Variants in LRRC69 observed in about 807,000 individuals in gnomAD.
LRRC69 encodes the protein leucine-rich repeat-containing protein 69.
In LRRC69, 42 loss-of-function variants were observed where a neutral mutation model predicts 37.8. That is an observed-to-expected ratio of 1.11 (90% CI 0.87 to 1.44). LRRC69 has a LOEUF of 1.44. Among genes scored for constraint, LRRC69 ranks in the 40% most tolerant of loss-of-function variants. The probability of loss-of-function intolerance (pLI) is 0.00; values close to 1 mark genes in which losing one functional copy is unlikely to be tolerated. For missense variants in LRRC69, 357 were observed against 401.9 expected, an observed-to-expected ratio of 0.89 and a Z score of 0.96; for synonymous variants, 141 against 143.1, an observed-to-expected ratio of 0.99 and a Z score of 0.11.
intron 1 of LRRC69, among the ~76,000 whole-genome samples, chr8:91,119,273 A>T (rs1238500942): frequency 1.3e-5 from 2 of 152,090 alleles, no homozygotes; most frequent in Non-Finnish European, 2.9e-5. Context: ...ATCTACACTG[A>T]AGCTCTGATG....
At chr8:91,206,764 A>G (rs765194306) in intron 7 of LRRC69, 6 of 1,289,758 alleles carry the variant, frequency 4.7e-6, no homozygotes, top group Non-Finnish European at 6.1e-6. Flanking sequence ...GTGCTCTGCT[A>G]AATATGTCAC....
chr8:91,110,925 C>T (rs1185994343), intron 1 of LRRC69, among the ~76,000 whole-genome samples: 1 of 151,932 alleles, frequency 6.6e-6, no homozygotes, highest in Non-Finnish European at 1.5e-5. Flanking sequence ...ACAGATTAAG[C>T]TCAAAAGATA....
chr8:91,162,808 C>T (rs4409368), intron 5 of LRRC69, among the ~76,000 whole-genome samples: 102,593 of 150,928 alleles, frequency 0.68, 35,399 homozygotes, highest in Middle Eastern at 0.74. Context: ...TCCACCTCTG[C>T]TTTCCATTCT....
chr8:91,176,134 A>ATATTTTTTTTTTTTTTTT, intron 5 of LRRC69, among the ~76,000 whole-genome samples: 2 of 75,710 alleles, frequency 2.6e-5, no homozygotes, highest in African/African-American at 6.1e-5. Context: ...ATATATATAT[A>ATATTTTTTTTTTTTTTTT]TTTTTTTTTT....
chr8:91,186,718 T>C (rs1192859975), intron 5 of LRRC69, among the ~76,000 whole-genome samples: 1 of 152,086 alleles, frequency 6.6e-6, no homozygotes, highest in Non-Finnish European at 1.5e-5. Context: ...TCAAGTACCA[T>C]TGCAACAACT....
chr8:91,174,136 A>T (rs1809185073), intron 5 of LRRC69, among the ~76,000 whole-genome samples: 1 of 119,198 alleles, frequency 8.4e-6, no homozygotes, highest in Non-Finnish European at 1.7e-5. Flanking sequence ...TTCTATTTAT[A>T]AGATGAGAAA....
intron 7 of LRRC69, chr8:91,205,444 A>G (rs1809788117): frequency 6.6e-6 from 1 of 152,204 alleles, no homozygotes; most frequent in Admixed American, 6.5e-5. Context: ...GTATTTACAC[A>G]TCACCTGATG....
At chr8:91,218,860 T>C in intron 7 of LRRC69, 30 bp from the exon 8 acceptor site, 2 of 1,412,612 alleles carry the variant, frequency 1.4e-6, no homozygotes, top group Non-Finnish European at 1.9e-6. Context: ...GAACACTGCC[T>C]AAATTTTATT....
intron 1 of LRRC69, among the ~76,000 whole-genome samples, chr8:91,116,083 AAGC>A (rs1813506044): frequency 2.0e-5 from 3 of 152,040 alleles, no homozygotes; most frequent in Admixed American, 1.3e-4. Context: ...TTAAGAAAAT[AAGC>A]AGGTTTTAAA....
At chr8:91,180,400 C>A (rs2130597461) in intron 5 of LRRC69, among the ~76,000 whole-genome samples, 1 of 152,236 alleles carries the variant, frequency 6.6e-6, no homozygotes, top group African/African-American at 2.4e-5. Context: ...AGCTGGCTTC[C>A]CCCAGAGTAA....
chr8:91,212,600 T>G (rs1461844455), intron 7 of LRRC69, among the ~76,000 whole-genome samples: 3 of 152,230 alleles, frequency 2.0e-5, no homozygotes, highest in Non-Finnish European at 2.9e-5. Context: ...TACTCATTAC[T>G]TATAAAGTAA....
intron 5 of LRRC69, among the ~76,000 whole-genome samples, chr8:91,155,724 A>G (rs1808821678): frequency 6.6e-6 from 1 of 150,824 alleles, no homozygotes. Context: ...CACATGAGTG[A>G]TAACATGCGG....
intron 7 of LRRC69, among the ~76,000 whole-genome samples, chr8:91,211,618 T>A (rs150330465): frequency 0.1 from 13,050 of 124,690 alleles, 724 homozygotes; most frequent in African/African-American, 0.17. Context: ...ATATATATAT[T>A]TTTTTTTTAT....
chr8:91,160,596 C>T (rs1808922017), intron 5 of LRRC69, among the ~76,000 whole-genome samples: 1 of 151,124 alleles, frequency 6.6e-6, no homozygotes, highest in Non-Finnish European at 1.5e-5. Context: ...ATGCACAGCA[C>T]TTCCCCCTTC....
intron 6 of LRRC69, among the ~76,000 whole-genome samples, chr8:91,195,159 T>A (rs1809573457): frequency 6.6e-6 from 1 of 152,098 alleles, no homozygotes; most frequent in Non-Finnish European, 1.5e-5. Flanking sequence ...CGGTTTTGAG[T>A]GAGATTCTTA....
chr8:91,196,511 T>C (rs988833746), intron 6 of LRRC69, among the ~76,000 whole-genome samples: 1 of 152,172 alleles, frequency 6.6e-6, no homozygotes, highest in African/African-American at 2.4e-5. Context: ...TCTTTTCACA[T>C]AGTCCCATAT....
At chr8:91,120,114 G>A (rs12540975) in intron 1 of LRRC69, among the ~76,000 whole-genome samples, 70,234 of 151,684 alleles carry the variant, frequency 0.46, 17,930 homozygotes, top group South Asian at 0.65. Context: ...TCTATTAGTT[G>A]TTGTCTTTGC....
At chr8:91,214,899 G>A (rs1037978766) in intron 7 of LRRC69, among the ~76,000 whole-genome samples, 1 of 151,808 alleles carries the variant, frequency 6.6e-6, no homozygotes, top group African/African-American at 2.4e-5. Context: ...GTTTCCATCT[G>A]GAGGCTCCTG....
intron 1 of LRRC69, among the ~76,000 whole-genome samples, chr8:91,123,371 A>G (rs923794713): frequency 6.6e-6 from 1 of 152,048 alleles, no homozygotes; most frequent in South Asian, 2.1e-4. Context: ...ATGGTAGTAG[A>G]TGTATTATAC....
Sources: allele counts gnomAD v4.1 joint callset (sites outside exome capture counted in the v4.1 genomes callset), GRCh38; gene constraint gnomAD v4.1.1; transcripts MANE v1.5; gene names NCBI Gene and HGNC (gene_info 2026-07-23, HGNC 2026-07-21).